RBPJ: variants seen among roughly 807,000 people sequenced by gnomAD.
RBPJ encodes recombining binding protein suppressor of hairless.
Under a neutral mutation model 67.8 loss-of-function variants are expected in RBPJ, and 9 were observed. That is an observed-to-expected ratio of 0.13 (90% CI 0.08 to 0.23). RBPJ has a LOEUF of 0.23. RBPJ is among the 10% of genes least tolerant of loss of function. The pLI is 1.00. For missense variants in RBPJ, 305 were observed against 595.6 expected (o/e 0.51, Z 5.08); for synonymous variants, 198 against 203.3 (o/e 0.97, Z 0.22).
rs386356773 is a variant in RBPJ, at chr4:26,337,682, C to CTT, written c.20+16653_20+16654dup. 6.5e-3 allele frequency among the ~76,000 whole-genome samples: 703 copies of CTT among 107,988 alleles called. 11 individuals carry two copies. Among genetic ancestry groups the CTT allele is most frequent in the African/African-American group, 0.017 (462 of 27,428 alleles). The allele number at this position is 107,988 out of a possible 152,430, so 70.8% of individuals were successfully genotyped here. ...AAATATATACTTATAATTCTTTATC[C>CTT]TTTTTTTTTTTTTTTTTTTTGAAGG... On this transcript the variant is annotated intron_variant, in intron 1 of 10. Transcript: ENST00000355476.
the RBPJ span, among the ~76,000 whole-genome samples, chr4:26,116,708 C>A: frequency 2.6e-5 from 4 of 152,258 alleles, no homozygotes; most frequent in African/African-American, 4.8e-5. Flanking sequence ...AGCCACTGCA[C>A]AACAGACCTC....
At chr4:26,410,243 A>G (rs1297267243) in intron 3 of RBPJ, 1 of 207,162 alleles carries the variant, frequency 4.8e-6, no homozygotes, top group Admixed American at 6.0e-5. Flanking sequence ...ACCTGGGGGC[A>G]TGATCACAGT....
chr4:26,214,974 G>GGGAGGGAAGAAGGAC (rs1560214221), intron 1 of RBPJ, among the ~76,000 whole-genome samples: 1 of 17,254 alleles, frequency 5.8e-5, no homozygotes, highest in Non-Finnish European at 9.3e-5. Flanking sequence ...GAGGGAGGGA[G>GGGAGGGAAGAAGGAC]GGAAGGAAGG....
intron 1 of RBPJ, among the ~76,000 whole-genome samples, chr4:26,281,268 G>A (rs919974545): frequency 6.6e-6 from 1 of 151,978 alleles, no homozygotes; most frequent in Non-Finnish European, 1.5e-5. Context: ...TCCCTCTGCA[G>A]TTTTTTTGTT....
chr4:26,205,025 G>A (rs1718121629), intron 1 of RBPJ, among the ~76,000 whole-genome samples: 2 of 152,192 alleles, frequency 1.3e-5, no homozygotes, highest in South Asian at 4.1e-4. Flanking sequence ...CAGGGGCCAC[G>A]TGGCTGGAAG....
At chr4:26,415,351 T>G (rs1209388946) in intron 3 of RBPJ, 124 bp from the exon 4 acceptor site, 1 of 845,438 alleles carries the variant, frequency 1.2e-6, no homozygotes, top group African/African-American at 1.7e-5. Flanking sequence ...ACCAAAATTT[T>G]TCATTGGGGA....
rs996445471 is a variant in RBPJ, at chr4:26,376,434, T to C, written c.21-9919T>C. Among the ~76,000 whole-genome samples the C allele has an allele frequency of 3.2e-4, 48 of 152,232 alleles. 1 individual carries two copies. Among genetic ancestry groups the C allele is most frequent in the Admixed American group, 2.6e-4 (4 of 15,286 alleles). The stretch of plus-strand genomic sequence containing the variant: ...TTAGCATGTCTTCAAGGTTTATTCA[T>C]GTTGTGTTGTAACATATCAGAATTT... On this transcript the variant is annotated intron_variant, in intron 1 of 10. Coordinates refer to ENST00000355476, the MANE Select transcript of RBPJ (RefSeq NM_015874.6).
At chr4:26,426,529 T>C (rs1735686718) in intron 7 of RBPJ, among the ~76,000 whole-genome samples, 1 of 152,216 alleles carries the variant, frequency 6.6e-6, no homozygotes, top group South Asian at 2.1e-4. Flanking sequence ...ATGACAGGAA[T>C]TCTGACATGC....
the RBPJ span, among the ~76,000 whole-genome samples, chr4:26,119,887 A>C: frequency 1.4e-4 from 21 of 152,376 alleles, no homozygotes; most frequent in African/African-American, 4.1e-4. Flanking sequence ...TAGATAAAAT[A>C]CCATGTTTGG....
the RBPJ span, among the ~76,000 whole-genome samples, chr4:26,152,079 G>A: frequency 3.3e-5 from 5 of 152,164 alleles, no homozygotes; most frequent in Non-Finnish European, 7.3e-5. Flanking sequence ...GTGCCAGAAA[G>A]TTTACAGAGT....
chr4:26,399,155 G>T (rs996909652), intron 2 of RBPJ, among the ~76,000 whole-genome samples: 1 of 152,054 alleles, frequency 6.6e-6, no homozygotes, highest in Non-Finnish European at 1.5e-5. Context: ...CATGACTTAC[G>T]TTCATTGCAC....
At chr4:26,386,031 C>A (rs1730882557) in intron 1 of RBPJ, among the ~76,000 whole-genome samples, 1 of 152,122 alleles carries the variant, frequency 6.6e-6, no homozygotes, top group African/African-American at 2.4e-5. Context: ...GTGCCTGACA[C>A]ATGATAAACT....
intron 1 of RBPJ, among the ~76,000 whole-genome samples, chr4:26,169,956 G>T (rs1255161352): frequency 1.3e-5 from 2 of 152,128 alleles, no homozygotes; most frequent in African/African-American, 2.4e-5. Context: ...GGTGTGGCCC[G>T]ATTTTCCAGG....
chr4:26,408,536 T>TA (rs1733705327), intron 3 of RBPJ, among the ~76,000 whole-genome samples: 1 of 152,158 alleles, frequency 6.6e-6, no homozygotes, highest in Non-Finnish European at 1.5e-5. Flanking sequence ...AGGAAGAATC[T>TA]AAAAGGCCAG....
At chr4:26,386,493 A>G in intron 2 of RBPJ, 102 bp downstream of exon 2, 1 of 761,000 alleles carries the variant, frequency 1.3e-6, no homozygotes, top group Non-Finnish European at 2.1e-6. Context: ...AGTCATTCAA[A>G]TATTACTGTC....
chr4:26,366,607 A>G (rs1728653011), intron 1 of RBPJ, among the ~76,000 whole-genome samples: 1 of 151,888 alleles, frequency 6.6e-6, no homozygotes, highest in Non-Finnish European at 1.5e-5. Flanking sequence ...TTTTTAGTAG[A>G]GACGGGGTTT....
chr4:26,313,007 C>T (rs111296735), intron 1 of RBPJ, among the ~76,000 whole-genome samples: 1 of 152,220 alleles, frequency 6.6e-6, no homozygotes, highest in African/African-American at 2.4e-5. Flanking sequence ...ATTGCAGCCT[C>T]AACTTCAGGG....
At chr4:26,235,426 C>A (rs1215112127) in intron 1 of RBPJ, among the ~76,000 whole-genome samples, 1 of 152,170 alleles carries the variant, frequency 6.6e-6, no homozygotes, top group African/African-American at 2.4e-5. Flanking sequence ...GAACTTATGT[C>A]TTTACATGGA....
intron 1 of RBPJ, among the ~76,000 whole-genome samples, chr4:26,200,531 A>T (rs1360674934): frequency 6.6e-6 from 1 of 152,086 alleles, no homozygotes; most frequent in East Asian, 1.9e-4. Flanking sequence ...ATTAGCTGGG[A>T]ATGGTGGTGC....
Sources: allele counts gnomAD v4.1 joint callset (sites outside exome capture counted in the v4.1 genomes callset), GRCh38; gene constraint gnomAD v4.1.1; transcripts MANE v1.5; gene names NCBI Gene and HGNC (gene_info 2026-07-23, HGNC 2026-07-21).